The following VGLL3 variants were observed in gnomAD, a reference collection of about 807,000 sequenced individuals.
VGLL3 encodes vestigial like family member 3.
Under a neutral mutation model 29.2 loss-of-function variants are expected in VGLL3, and 18 were observed. That is an observed-to-expected ratio of 0.62 (90% CI 0.43 to 0.91). The LOEUF (loss-of-function observed/expected upper bound fraction) is 0.91, where lower values mean the gene tolerates loss of function less well. Ranked by LOEUF, VGLL3 falls within the 40% of genes least tolerant of loss-of-function variation. The pLI is 0.00. For missense variants in VGLL3, 440 were observed against 413.2 expected (o/e 1.06, Z -0.56); for synonymous variants, 180 against 151.8 (o/e 1.19, Z -1.36).
At chr3:86,948,698 G>T (rs1286751415) in intron 3 of VGLL3, among the ~76,000 whole-genome samples, 4 of 152,058 alleles carry the variant, frequency 2.6e-5, no homozygotes, top group Non-Finnish European at 4.4e-5. Flanking sequence ...CAAAAGATTG[G>T]CTCCACCTTT....
intron 2 of VGLL3, among the ~76,000 whole-genome samples, chr3:86,975,768 G>A (rs535435314): frequency 1.8e-4 from 27 of 152,208 alleles, no homozygotes; most frequent in Middle Eastern, 6.8e-3. Flanking sequence ...AAATTGAAGC[G>A]CATGCTGTGT....
chr3:86,978,305 A>T (rs1705250291), intron 2 of VGLL3, among the ~76,000 whole-genome samples: 1 of 152,198 alleles, frequency 6.6e-6, no homozygotes, highest in Non-Finnish European at 1.5e-5. Flanking sequence ...ACTACTTTCC[A>T]TGAGGAATTT....
rs78920512 is a variant in VGLL3 at position 86,975,331 on chromosome 3, G to A, written c.403+3195C>T. Among the ~76,000 whole-genome samples, 1,090 of 151,786 alleles carry A rather than the reference G, an allele frequency of 7.2e-3. 7 individuals carry two copies. Among genetic ancestry groups the A allele is most frequent in the Non-Finnish European group, 0.012 (825 of 67,924 alleles). ...GACATTTTCTATATTTTTAATTATC[G>A]TTTGTGGCTTTCCTATAAATCCTAC... On this transcript the variant is annotated intron_variant, in intron 2 of 3. Transcript: ENST00000398399.
intron 2 of VGLL3, among the ~76,000 whole-genome samples, chr3:86,969,714 T>TATTC (rs1705051212): frequency 6.6e-6 from 1 of 151,364 alleles, no homozygotes; most frequent in Admixed American, 6.6e-5. Flanking sequence ...TTTATTTATT[T>TATTC]ATTTATTTTC....
In VGLL3 at chr3:86,991,065, C is replaced by A. The variant is rs920305248; in HGVS notation, c.-322G>T. ...CCGCGTCCGGCTCCCGCGAGGGCTG[C>A]GGCGCCCACGGCAGCGCCAGTCACA... On this transcript the variant is annotated 5_prime_UTR_variant, in exon 1 of 4. Coordinates refer to ENST00000398399, the MANE Select transcript of VGLL3 (RefSeq NM_016206.4). 4.0e-4 allele frequency: 177 copies of A among 441,874 alleles called. No homozygotes were observed. The highest frequency in any genetic ancestry group is 5.2e-4 in the Non-Finnish European group (172 of 331,520). The allele number at this position is 441,874 out of a possible 1,614,324, so 27.4% of individuals were successfully genotyped here.
chr3:86,941,046 A>G lies in VGLL3; in HGVS notation c.*5978T>C, dbSNP rs113444655. On this transcript the variant is annotated 3_prime_UTR_variant, in exon 4 of 4. Transcript: ENST00000398399. Reference sequence around the variant, plus strand: ...ACAAATATAAAATTCACTACACTGTATTTTTGTTGACAAAAGCATTTCACC... The same window carrying G: ...ACAAATATAAAATTCACTACACTGTGTTTTTGTTGACAAAAGCATTTCACC... 6.6e-6 allele frequency: 1 copy of G among 152,350 alleles called. No homozygotes were observed. The highest frequency in any genetic ancestry group is 2.4e-5 in the African/African-American group (1 of 41,436). 9.4% of individuals were successfully genotyped at this position (152,350 alleles called of 1,614,324 possible). A position where few individuals can be genotyped will look rare whatever the true frequency, so the allele number is the denominator to read the frequency against.
rs541673224 is a variant in VGLL3, at chr3:86,957,725, A to G, written c.938-10658T>C. 6.6e-5 allele frequency among the ~76,000 whole-genome samples: 10 copies of G among 152,330 alleles called. No homozygotes were observed. The South Asian group carries it at 1.9e-3, about 28-fold the overall frequency. The stretch of plus-strand genomic sequence containing the variant: ...AATATTAAAGATGCCTACATTGACC[A>G]GGATTTTTATGAGCCCCTAAGTGAA... On this transcript the variant is annotated intron_variant, in intron 3 of 3. Coordinates refer to ENST00000398399, the MANE Select transcript of VGLL3 (RefSeq NM_016206.4).
At position 86,978,706 on chromosome 3, in the gene VGLL3, T is replaced by TCTCCTC. The variant is rs559777486; in HGVS notation, c.217_222dup (p.Glu73_Glu74dup). On this transcript the variant is annotated inframe_insertion, in exon 2 of 4. Transcript: ENST00000398399. ...TACTCCATCTCGGCAGGCTGGTCTT[T>TCTCCTC]CTCCTCCTCCTCCTCCTCCTCATCC... 21 of 1,612,084 alleles carry TCTCCTC rather than the reference T, an allele frequency of 1.3e-5. No individual in the cohort carries two copies. The Admixed American group carries it at 1.8e-4, about 14-fold the overall frequency.
At position 86,966,120 on chromosome 3, in the gene VGLL3, C is replaced by T. The variant is rs114658015; in HGVS notation, c.937+2470G>A. On this transcript the variant is annotated intron_variant, in intron 3 of 3. Coordinates refer to ENST00000398399, the MANE Select transcript of VGLL3 (RefSeq NM_016206.4). ...CCTCGATGCATGATGGTGCATTGTC[C>T]TCCTGCTTGTGCCTTTTGTAGGGAC... is the stretch of plus-strand genomic sequence containing the variant. Among the ~76,000 whole-genome samples, 321 of 152,200 alleles carry T rather than the reference C, an allele frequency of 2.1e-3. 3 individuals are homozygous for T. Among genetic ancestry groups the T allele is most frequent in the African/African-American group, 7.1e-3 (295 of 41,536 alleles).
chr3:86,984,047 A>C (rs759361348), intron 1 of VGLL3, among the ~76,000 whole-genome samples: 12 of 152,220 alleles, frequency 7.9e-5, no homozygotes, highest in Non-Finnish European at 1.3e-4. Flanking sequence ...AGAAAACATC[A>C]GTCAGCATGG....
At position 86,943,994 on chromosome 3, in the gene VGLL3, A is replaced by C. The variant is rs998915812; in HGVS notation, c.*3030T>G. 1.6e-4 allele frequency: 24 copies of C among 152,300 alleles called. No homozygotes were observed. The highest frequency in any genetic ancestry group is 3.3e-4 in the Admixed American group (5 of 15,302). The allele number at this position is 152,300 out of a possible 1,614,324, so 9.4% of individuals were successfully genotyped here. ...GGAGGCAGATAGTAGCCCTCAATAA[A>C]ACAGTTCGGAAGCCTCTAAGTCCAA... On this transcript the variant is annotated 3_prime_UTR_variant, in exon 4 of 4. Transcript: ENST00000398399.
At chr3:86,947,109 A>G (rs755129156) in intron 3 of VGLL3, 42 bp from the exon 4 acceptor site, 2 of 778,966 alleles carry the variant, frequency 2.6e-6, no homozygotes, top group Non-Finnish European at 4.8e-6. Context: ...GAACATTAAT[A>G]CATATGGTAC....
intron 3 of VGLL3, among the ~76,000 whole-genome samples, chr3:86,966,586 A>G (rs1704963634): frequency 6.6e-6 from 1 of 151,482 alleles, no homozygotes; most frequent in Admixed American, 6.6e-5. Context: ...TGATTTACTT[A>G]TACAAGGAGA....
intron 2 of VGLL3, among the ~76,000 whole-genome samples, chr3:86,970,805 A>C (rs1705084115): frequency 6.6e-6 from 1 of 152,186 alleles, no homozygotes; most frequent in Non-Finnish European, 1.5e-5. Flanking sequence ...TGGGAGACCA[A>C]GGAGCCCAGC....
chr3:86,978,702 T>A lies in VGLL3; in HGVS notation c.227A>T (p.Asp76Val), dbSNP rs747861491. 3 of 1,614,014 alleles carry A rather than the reference T, an allele frequency of 1.9e-6. No individual in the cohort carries two copies. The highest frequency in any genetic ancestry group is 1.1e-5 in the South Asian group (1 of 91,074). The change falls in exon 2 of 4, where the codon GAC becomes GTC. Residue 76 changes from aspartate to valine, a missense_variant. Transcript: ENST00000398399. ...EDEEEEEEEK[D>V]QPAEMEYLNS... is the part of the protein sequence containing the mutation. ...AAGGTACTCCATCTCGGCAGGCTGG[T>A]CTTTCTCCTCCTCCTCCTCCTCCTC...
At chr3:86,988,390 A>G (rs1452379594) in intron 1 of VGLL3, among the ~76,000 whole-genome samples, 1 of 151,942 alleles carries the variant, frequency 6.6e-6, no homozygotes, top group Non-Finnish European at 1.5e-5. Context: ...GAATGCAAAA[A>G]CAACCAAAAT....
At chr3:86,962,823 C>G (rs1467645403) in intron 3 of VGLL3, 1 of 208,932 alleles carries the variant, frequency 4.8e-6, no homozygotes, top group Non-Finnish European at 8.4e-6. Flanking sequence ...TGAGACCAGC[C>G]TGGCCAAAAT....
Position 86,968,767 on chromosome 3 carries a change from C to G in VGLL3, c.760G>C (p.Ala254Pro). 6.2e-7 allele frequency: 1 copy of G among 1,614,132 alleles called. No homozygotes were observed. The highest frequency in any genetic ancestry group is 1.1e-5 in the South Asian group (1 of 91,068). ...AGAGGCCCATAGGATGGATCCAGGGCAGAGCCAGCAGGAGGGTGGTGATGG... is the reference window on the plus strand; with the variant it reads ...AGAGGCCCATAGGATGGATCCAGGGGAGAGCCAGCAGGAGGGTGGTGATGG... ...HHHHHPPAGS[A>P]LDPSYGPLLM... The change falls in exon 3 of 4, where the codon GCC becomes CCC. Residue 254 changes from alanine to proline, a missense_variant. Transcript: ENST00000398399.
chr3:86,977,297 G>T (rs1705229089), intron 2 of VGLL3, among the ~76,000 whole-genome samples: 1 of 152,050 alleles, frequency 6.6e-6, no homozygotes, highest in Non-Finnish European at 1.5e-5. Context: ...GAAAAGAAAG[G>T]TCAAGTAGGT....
Sources: gnomAD v4.1 joint callset for allele counts (sites outside exome capture counted in the v4.1 genomes callset) on GRCh38, gnomAD v4.1.1 for gene constraint, MANE v1.5 for transcripts, NCBI Gene and HGNC (gene_info 2026-07-23, HGNC 2026-07-21) for gene names.